SLC23A2: variants seen among roughly 807,000 people sequenced by gnomAD.
SLC23A2 encodes Na(+)/L-ascorbic acid transporter 2.
A neutral mutation model predicts 73.3 loss-of-function variants in SLC23A2; 36 were observed. The ratio of observed to expected loss-of-function variants is 0.49; its 90% CI spans 0.38 to 0.65. SLC23A2 has a LOEUF of 0.65. Among genes scored for constraint, SLC23A2 ranks in the 30% least tolerant of loss-of-function variants. SLC23A2 has a pLI of 0.00. For synonymous variants in SLC23A2, 343 were observed against 327.3 expected (o/e 1.05, Z -0.52); for missense variants, 507 against 841.6 (o/e 0.60, Z 4.92).
intron 6 of SLC23A2, among the ~76,000 whole-genome samples, chr20:4,890,791 A>G (rs1376856329): frequency 6.6e-6 from 1 of 152,176 alleles, no homozygotes; most frequent in Middle Eastern, 3.2e-3. Flanking sequence ...TGTTCTATCT[A>G]TTCGTGGTGA....
chr20:4,982,929 A>G (rs6116603), intron 1 of SLC23A2, among the ~76,000 whole-genome samples: 34 of 152,108 alleles, frequency 2.2e-4, no homozygotes, highest in Admixed American at 6.5e-4. Flanking sequence ...AACATGGAGA[A>G]ACCCTGTCTC....
chr20:4,957,582 CAAAA>C (rs750802378), intron 2 of SLC23A2, among the ~76,000 whole-genome samples: 1 of 100,246 alleles, frequency 1.0e-5, no homozygotes, highest in Non-Finnish European at 2.2e-5. Context: ...ACTATAACCT[CAAAA>C]AAAAAAAAAA....
chr20:4,932,832 CAAAAAA>C, intron 2 of SLC23A2, 116 bp from the exon 3 acceptor site: 1 of 300,134 alleles, frequency 3.3e-6, no homozygotes, highest in Non-Finnish European at 6.1e-6. Flanking sequence ...CCCAAGCATC[CAAAAAA>C]TACTTTACCT....
intron 3 of SLC23A2, among the ~76,000 whole-genome samples, chr20:4,923,242 A>AAGGGAGGGAGGCAGGGAGGG (rs1932558492): frequency 7.8e-6 from 1 of 128,576 alleles, no homozygotes; most frequent in African/African-American, 3.0e-5. Flanking sequence ...CCCCATCTTG[A>AAGGGAGGGAGGCAGGGAGGG]AGGGAGGGAG....
upstream of SLC23A2, among the ~76,000 whole-genome samples, chr20:5,005,313 A>G (rs947456151): frequency 6.6e-6 from 1 of 152,148 alleles, no homozygotes; most frequent in Admixed American, 6.6e-5. Context: ...AATTAAAAAA[A>G]TACATCAAAT....
In SLC23A2 at chr20:4,862,825, G is replaced by T; in HGVS notation, c.1439C>A (p.Ala480Glu). 6.2e-7 allele frequency: 1 copy of T among 1,613,932 alleles called. No individual in the cohort carries two copies. The highest frequency in any genetic ancestry group is 8.5e-7 in the Non-Finnish European group (1 of 1,179,948). ...TCCCAGCACAGGATCCGGAAGGGAC[G>T]CAAAGAGGGCGCTGAACTTCCCGAT... The part of the protein sequence containing the change: ...GMIGKFSALF[A>E]SLPDPVLGAL... Residue 480 changes from alanine (A) to glutamate (E), a missense_variant, in exon 14 of 17, where the codon GCG becomes GAG. Ala to Glu is a moderately radical substitution (Grantham distance 107). Around this residue, in one of 5 missense-constraint regions of SLC23A2, gnomAD observed 168 missense variants for 302.3 expected, o/e 0.56. Coordinates refer to ENST00000338244, the MANE Select transcript of SLC23A2 (RefSeq NM_005116.6). The surrounding 1 kb of genome is among the most constrained non-coding windows in gnomAD (Gnocchi z 5.1).
chr20:4,974,011 C>A (rs570687610), intron 1 of SLC23A2, among the ~76,000 whole-genome samples: 2 of 152,326 alleles, frequency 1.3e-5, no homozygotes, highest in African/African-American at 4.8e-5. Flanking sequence ...ACATCTACCA[C>A]TGACTCAACA....
chr20:4,962,956 G>A (rs55884285), intron 2 of SLC23A2, among the ~76,000 whole-genome samples: 2 of 152,082 alleles, frequency 1.3e-5, no homozygotes, highest in Non-Finnish European at 2.9e-5. Flanking sequence ...CCAAGATAAC[G>A]CCACTGCACT....
At chr20:4,965,053 G>T (rs2087454412) in intron 2 of SLC23A2, among the ~76,000 whole-genome samples, 1 of 151,926 alleles carries the variant, frequency 6.6e-6, no homozygotes, top group South Asian at 2.1e-4. Flanking sequence ...CATTATCTAA[G>T]GACAACACTG....
chr20:4,945,001 C>CA (rs201461959), intron 2 of SLC23A2, among the ~76,000 whole-genome samples: 2,844 of 113,310 alleles, frequency 0.025, 44 homozygotes, highest in Middle Eastern at 0.043. Context: ...TCTGAATTCT[C>CA]AAAAAAAAAA....
chr20:4,876,448 C>T (rs1022929286), intron 9 of SLC23A2, among the ~76,000 whole-genome samples: 4 of 152,126 alleles, frequency 2.6e-5, no homozygotes, highest in African/African-American at 9.7e-5. Flanking sequence ...CTCTCTACTT[C>T]GAGTTTATTT....
At chr20:4,984,708 C>T (rs901270863) in intron 1 of SLC23A2, among the ~76,000 whole-genome samples, 3 of 152,194 alleles carry the variant, frequency 2.0e-5, no homozygotes, top group Non-Finnish European at 4.4e-5. Flanking sequence ...ACCAAAACCA[C>T]TGCACACCCA....
chr20:4,988,088 C>T (rs1316878519), intron 1 of SLC23A2, among the ~76,000 whole-genome samples: 1 of 151,274 alleles, frequency 6.6e-6, no homozygotes, highest in African/African-American at 2.4e-5. Context: ...CACTCAAGGT[C>T]AGCAGTTCAA....
intron 1 of SLC23A2, among the ~76,000 whole-genome samples, chr20:4,977,281 A>G (rs1343052722): frequency 6.6e-6 from 1 of 152,112 alleles, no homozygotes; most frequent in Non-Finnish European, 1.5e-5. Flanking sequence ...ACTTACTACA[A>G]TATTAACTGG....
chr20:4,879,395 T>A (rs1447314916), intron 9 of SLC23A2, among the ~76,000 whole-genome samples: 2 of 63,810 alleles, frequency 3.1e-5, no homozygotes, highest in Admixed American at 2.4e-4. Flanking sequence ...GCAACCAGAG[T>A]AAAACTCTGT....
upstream of SLC23A2, among the ~76,000 whole-genome samples, chr20:5,004,767 A>G (rs1190358946): frequency 1.3e-5 from 2 of 152,208 alleles, no homozygotes; most frequent in Non-Finnish European, 2.9e-5. Context: ...TGGGAGGCCG[A>G]GGCAGGTGGA....
intron 2 of SLC23A2, among the ~76,000 whole-genome samples, chr20:4,938,334 C>CTTTT (rs752802054): frequency 1.6e-5 from 2 of 124,902 alleles, no homozygotes; most frequent in Non-Finnish European, 1.7e-5. Context: ...CTCATTCCAT[C>CTTTT]TTTTTTTTTT....
intron 1 of SLC23A2, among the ~76,000 whole-genome samples, chr20:4,993,673 G>T (rs1451253846): frequency 6.6e-6 from 1 of 152,110 alleles, no homozygotes; most frequent in Non-Finnish European, 1.5e-5. Flanking sequence ...TGTCATGCTT[G>T]TTATATTCCA....
At chr20:4,937,471 T>C (rs2086977898) in intron 2 of SLC23A2, among the ~76,000 whole-genome samples, 1 of 152,174 alleles carries the variant, frequency 6.6e-6, no homozygotes. Context: ...CAGTAATAAC[T>C]GCAATTTTCC....
Sources: allele counts gnomAD v4.1 joint callset (sites outside exome capture counted in the v4.1 genomes callset), GRCh38; gene constraint gnomAD v4.1.1; regional missense constraint gnomAD v4.1.1; non-coding constraint Gnocchi (gnomAD v3.1); transcripts MANE v1.5; gene names NCBI Gene and HGNC (gene_info 2026-07-23, HGNC 2026-07-21).